The following SLC22A15 variants were observed in gnomAD, a reference collection of about 807,000 sequenced individuals.
The protein encoded by SLC22A15 is solute carrier family 22 member 15.
Under a neutral mutation model 62.7 loss-of-function variants are expected in SLC22A15, and 45 were observed. That is an observed-to-expected ratio of 0.72 (90% CI 0.56 to 0.92). The LOEUF is 0.92. Ranked by LOEUF, SLC22A15 falls within the 40% of genes least tolerant of loss-of-function variation. The pLI, the probability that SLC22A15 is intolerant of heterozygous loss-of-function variation, is 0.00. For synonymous variants in SLC22A15, 264 were observed against 267.0 expected (o/e 0.99, Z 0.11); for missense variants, 622 against 665.6 (o/e 0.93, Z 0.72).
intron 1 of SLC22A15, among the ~76,000 whole-genome samples, chr1:115,990,305 A>C (rs1320013010): frequency 6.6e-6 from 1 of 152,250 alleles, no homozygotes; most frequent in Non-Finnish European, 1.5e-5. Context: ...TGCTTTGCCT[A>C]ATTGAAGGCT....
At chr1:116,021,832 T>C (rs1481492097) in intron 4 of SLC22A15, among the ~76,000 whole-genome samples, 1 of 152,208 alleles carries the variant, frequency 6.6e-6, no homozygotes, top group African/African-American at 2.4e-5. Flanking sequence ...TTTCAGCAGC[T>C]GATAACTGAC....
chr1:116,037,581 G>T, intron 8 of SLC22A15, 193 bp downstream of exon 8: 1 of 527,938 alleles, frequency 1.9e-6, no homozygotes, highest in Admixed American at 3.1e-5. Context: ...GTGTGTAGAG[G>T]TGCACTATTA....
At chr1:116,048,559 CA>C (rs1404024835) in intron 8 of SLC22A15, among the ~76,000 whole-genome samples, 1 of 152,126 alleles carries the variant, frequency 6.6e-6, no homozygotes, top group Non-Finnish European at 1.5e-5. Flanking sequence ...ACCAAACTAC[CA>C]CTACAAGAAC....
intron 4 of SLC22A15, among the ~76,000 whole-genome samples, chr1:116,024,030 C>T (rs904275900): frequency 6.6e-6 from 1 of 152,138 alleles, no homozygotes; most frequent in Non-Finnish European, 1.5e-5. Context: ...TTGTTTTTTA[C>T]TTGAAGTACA....
chr1:115,999,795 C>T (rs1237225715), intron 2 of SLC22A15, among the ~76,000 whole-genome samples: 1 of 152,122 alleles, frequency 6.6e-6, no homozygotes, highest in African/African-American at 2.4e-5. Flanking sequence ...TGTACCATCA[C>T]ATCTGGCCTA....
At chr1:116,053,105 T>C (rs187033533) in intron 8 of SLC22A15, among the ~76,000 whole-genome samples, 1 of 152,172 alleles carries the variant, frequency 6.6e-6, no homozygotes, top group South Asian at 2.1e-4. Flanking sequence ...CAAACTACTC[T>C]GAGCTACAGG....
Position 115,992,220 on chromosome 1 carries a change from A to G in SLC22A15, c.277A>G (p.Ser93Gly). ...CCATAAGCACGTGCATTTCAGCAGC[A>G]GCTTCACCTCCATCGCCTCGGAGGT... The part of the protein sequence containing the change: ...EIHKHVHFSS[S>G]FTSIASEWFL... Residue 93 changes from serine (S) to glycine (G), a missense_variant, in exon 2 of 12, where the codon AGC becomes GGC. Transcript: ENST00000369503. The G allele has an allele frequency of 6.3e-7, 1 of 1,598,816 alleles. No individual in the cohort carries two copies. The highest frequency in any genetic ancestry group is 8.5e-7 in the Non-Finnish European group (1 of 1,172,406).
Position 116,035,327 on chromosome 1 carries a change from GGTGA to G in SLC22A15, c.1085+3_1085+6del, listed in dbSNP as rs770075792. 29 of 1,611,302 alleles carry G rather than the reference GGTGA, an allele frequency of 1.8e-5. No homozygotes were observed. Among genetic ancestry groups the G allele is most frequent in the Non-Finnish European group, 2.3e-5 (27 of 1,178,668 alleles). ...TGTATCTACTTGATTAACCAAAAAT[GGTGA>G]GTAAGTGTGGATGAATATGAAGTGC... On this transcript the variant is annotated splice_donor_variant and splice_donor_region_variant and intron_variant, in intron 7 of 11. Coordinates refer to ENST00000369503, the MANE Select transcript of SLC22A15 (RefSeq NM_018420.3). LOFTEE classifies it high-confidence loss of function.
intron 3 of SLC22A15, among the ~76,000 whole-genome samples, chr1:116,020,246 TAA>T (rs554789441): frequency 1.4e-5 from 2 of 140,110 alleles, no homozygotes; most frequent in African/African-American, 2.6e-5. Context: ...GAGAAGCTGT[TAA>T]AAAAAAAAAA....
chr1:116,035,538 A>G (rs1052580816), intron 7 of SLC22A15, among the ~76,000 whole-genome samples: 1 of 152,228 alleles, frequency 6.6e-6, no homozygotes, highest in African/African-American at 2.4e-5. Context: ...ACGAGTTTTT[A>G]TATAGATTTC....
chr1:116,048,752 A>C (rs1657987760), intron 8 of SLC22A15, among the ~76,000 whole-genome samples: 1 of 152,204 alleles, frequency 6.6e-6, no homozygotes, highest in Admixed American at 6.5e-5. Context: ...CTCATGTCTC[A>C]ATACTAACAT....
At chr1:116,052,079 C>T (rs896188357) in intron 8 of SLC22A15, among the ~76,000 whole-genome samples, 13 of 152,286 alleles carry the variant, frequency 8.5e-5, no homozygotes, top group South Asian at 8.3e-4. Flanking sequence ...GTGCACCATG[C>T]GCGAGCCGAA....
intron 2 of SLC22A15, among the ~76,000 whole-genome samples, chr1:116,018,477 G>C (rs1317931113): frequency 6.6e-6 from 1 of 152,070 alleles, no homozygotes; most frequent in African/African-American, 2.4e-5. Flanking sequence ...CCATTCTCCT[G>C]CCTCAGCCTC....
chr1:116,056,278 C>T (rs1658205684), intron 8 of SLC22A15, among the ~76,000 whole-genome samples: 1 of 143,838 alleles, frequency 7.0e-6, no homozygotes, highest in African/African-American at 2.6e-5. Flanking sequence ...AATCAGAGAG[C>T]CAAATCATGA....
chr1:115,993,457 GTCTGTC>G (rs775764029), intron 2 of SLC22A15, among the ~76,000 whole-genome samples: 6 of 149,316 alleles, frequency 4.0e-5, no homozygotes, highest in South Asian at 2.1e-4. Flanking sequence ...GTGTGTGTGT[GTCTGTC>G]TGTCTGTCTG....
intron 1 of SLC22A15, among the ~76,000 whole-genome samples, chr1:115,989,492 A>T (rs1030655784): frequency 1.3e-5 from 2 of 152,106 alleles, no homozygotes; most frequent in African/African-American, 4.8e-5. Flanking sequence ...TAAAAATATG[A>T]TATGTTGGCC....
At position 116,019,626 on chromosome 1, in the gene SLC22A15, C is replaced by T; in HGVS notation, c.345C>T (p.Ser115=). 6.2e-7 allele frequency: 1 copy of T among 1,613,004 alleles called. No individual in the cohort carries two copies. The highest frequency in any genetic ancestry group is 1.1e-5 in the South Asian group (1 of 90,830). The change falls in exon 3 of 12, where the codon AGC becomes AGT. Residue 115 remains serine (S), a synonymous_variant. Coordinates refer to ENST00000369503, the MANE Select transcript of SLC22A15 (RefSeq NM_018420.3). ...GATCCTACAAAGTCAGTGCAGCAAG[C>T]TCTTTTTTCTTCAGTGGTGTATTTG... ...ANRSYKVSAA[S]SFFFSGVFVG...
chr1:116,046,260 A>G (rs552005602), intron 8 of SLC22A15, among the ~76,000 whole-genome samples: 1 of 152,346 alleles, frequency 6.6e-6, no homozygotes, highest in South Asian at 2.1e-4. Flanking sequence ...CCTAGACTTC[A>G]TAAAGTTAAA....
chr1:116,063,650 A>G (rs1028891831), intron 9 of SLC22A15, among the ~76,000 whole-genome samples: 22 of 152,174 alleles, frequency 1.4e-4, no homozygotes, highest in African/African-American at 5.3e-4. Context: ...AGTGTCTGCA[A>G]TTGGCTAGTA....
Sources: gnomAD v4.1 joint callset for allele counts (sites outside exome capture counted in the v4.1 genomes callset) on GRCh38, gnomAD v4.1.1 for gene constraint, MANE v1.5 for transcripts, NCBI Gene and HGNC (gene_info 2026-07-23, HGNC 2026-07-21) for gene names.